The following CRYBG3 variants were observed in gnomAD, a reference collection of about 807,000 sequenced individuals.
CRYBG3 encodes the protein very large A-kinase anchor protein.
Under a neutral mutation model 244.2 loss-of-function variants are expected in CRYBG3, and 127 were observed. That is an observed-to-expected ratio of 0.52 (90% CI 0.45 to 0.60). The LOEUF (loss-of-function observed/expected upper bound fraction) is 0.60, where lower values mean the gene tolerates loss of function less well. Ranked by LOEUF, CRYBG3 falls within the 20% of genes least tolerant of loss-of-function variation. The pLI is 0.00. For missense variants in CRYBG3, 3,325 were observed against 3,442.5 expected (o/e 0.97, Z 0.85); for synonymous variants, 1,132 against 1,195.8 (o/e 0.95, Z 1.10).
chr3:97,839,759 T>A (rs906655880), intron 1 of CRYBG3, among the ~76,000 whole-genome samples: 2 of 151,824 alleles, frequency 1.3e-5, no homozygotes, highest in Non-Finnish European at 2.9e-5. Context: ...AGCCCCCTTT[T>A]TTTTTTTTGT....
At chr3:97,844,615 A>G (rs914798457) in intron 2 of CRYBG3, among the ~76,000 whole-genome samples, 1 of 151,988 alleles carries the variant, frequency 6.6e-6, no homozygotes, top group African/African-American at 2.4e-5. Flanking sequence ...TTTAGCCTAT[A>G]CCTGCTGGCT....
In CRYBG3 at chr3:97,900,480, C is replaced by A; in HGVS notation, c.7999C>A (p.His2667Asn). The change falls in exon 15 of 22, where the codon CAT (histidine) becomes AAT (asparagine). Residue 2667 changes from histidine (H) to asparagine (N), a missense_variant. By Grantham distance (68) the His-to-Asn change is moderately conservative (BLOSUM62 1). Transcript: ENST00000389622. Reference protein sequence around the residue: ...LEPLGINEPPHLLKAFSKPGF... With the variant: ...LEPLGINEPPNLLKAFSKPGF... ...ACCACTTGGGATAAATGAACCTCCG[C>A]ATTTGGTATGTTTAAAAATATTCTT... The A allele has an allele frequency of 6.5e-7, 1 of 1,550,362 alleles. No individual in the cohort carries two copies. Among genetic ancestry groups the A allele is most frequent in the Non-Finnish European group, 8.9e-7 (1 of 1,124,656 alleles).
At position 97,839,642 on chromosome 3, in the gene CRYBG3, G is replaced by A. The variant is rs370690452; in HGVS notation, c.150-3553G>A. 9.9e-5 allele frequency among the ~76,000 whole-genome samples: 15 copies of A among 152,088 alleles called. No homozygotes were observed. In the South Asian group the frequency reaches 3.1e-3, roughly 32 times the overall value. On this transcript the variant is annotated intron_variant, in intron 1 of 21. Coordinates refer to ENST00000389622, the MANE Select transcript of CRYBG3 (RefSeq NM_153605.4). ...GTAAGCAGGCGCAAATGGAAATATG[G>A]TTATAGATTTTTTTTTTTCTTTTGA...
chr3:97,897,417 TA>T (rs1383884283), intron 12 of CRYBG3, among the ~76,000 whole-genome samples: 1 of 152,026 alleles, frequency 6.6e-6, no homozygotes, highest in African/African-American at 2.4e-5. Flanking sequence ...TCTACTAACT[TA>T]TGCAAGTGCT....
chr3:97,828,480 A>C (rs1002904392), intron 1 of CRYBG3, among the ~76,000 whole-genome samples: 1 of 151,990 alleles, frequency 6.6e-6, no homozygotes, highest in African/African-American at 2.4e-5. Context: ...AAAGAATAGG[A>C]AAGCTTTTTA....
intron 15 of CRYBG3, among the ~76,000 whole-genome samples, chr3:97,905,945 T>C (rs1387862844): frequency 1.3e-5 from 2 of 148,740 alleles, no homozygotes; most frequent in African/African-American, 5.0e-5. Context: ...AGGGATCCAG[T>C]TTCAGCTTTC....
intron 1 of CRYBG3, among the ~76,000 whole-genome samples, chr3:97,841,415 C>G (rs1394495497): frequency 1.3e-5 from 2 of 151,654 alleles, no homozygotes; most frequent in Non-Finnish European, 2.9e-5. Flanking sequence ...TCCGTTTGGT[C>G]CATGTGTTTC....
intron 1 of CRYBG3, among the ~76,000 whole-genome samples, chr3:97,839,755 C>CTTTT: frequency 6.8e-6 from 1 of 146,280 alleles, no homozygotes; most frequent in Non-Finnish European, 1.5e-5. Context: ...GCCCAGCCCC[C>CTTTT]TTTTTTTTTT....
chr3:97,907,761 A>G (rs1433793400), intron 15 of CRYBG3, among the ~76,000 whole-genome samples: 2 of 151,362 alleles, frequency 1.3e-5, no homozygotes, highest in African/African-American at 4.9e-5. Context: ...TTCTGCTGTG[A>G]TTTTAGTTAT....
chr3:97,825,206 G>A (rs1268510145), intron 1 of CRYBG3, among the ~76,000 whole-genome samples: 1 of 152,202 alleles, frequency 6.6e-6, no homozygotes, highest in Non-Finnish European at 1.5e-5. Flanking sequence ...CTAGATTTAA[G>A]GCTCAGAGAA....
intron 6 of CRYBG3, among the ~76,000 whole-genome samples, chr3:97,880,475 A>G (rs1559731254): frequency 1.3e-5 from 2 of 152,230 alleles, no homozygotes; most frequent in Admixed American, 6.5e-5. Flanking sequence ...TGAAGGCCAC[A>G]TAGTTAAAGT....
At chr3:97,925,794 C>T (rs2040034302) in intron 17 of CRYBG3, among the ~76,000 whole-genome samples, 1 of 151,854 alleles carries the variant, frequency 6.6e-6, no homozygotes, top group Admixed American at 6.6e-5. Context: ...TGTAATACTT[C>T]TGGGTTTTAG....
At chr3:97,900,404 G>C in intron 14 of CRYBG3, 49 bp from the exon 15 acceptor site, 1 of 847,182 alleles carries the variant, frequency 1.2e-6, no homozygotes, top group Non-Finnish European at 1.7e-6. Context: ...CTTTCAAAAA[G>C]ACAGATTATG....
chr3:97,908,290 C>A (rs1353261995), intron 15 of CRYBG3, among the ~76,000 whole-genome samples: 1 of 152,062 alleles, frequency 6.6e-6, no homozygotes, highest in African/African-American at 2.4e-5. Flanking sequence ...GAGTTCAATT[C>A]CTGGGTATCC....
intron 2 of CRYBG3, among the ~76,000 whole-genome samples, chr3:97,860,513 A>C (rs1307997583): frequency 6.6e-6 from 1 of 152,198 alleles, no homozygotes; most frequent in African/African-American, 2.4e-5. Flanking sequence ...GGTCTGAAGG[A>C]GGCGAGAGAG....
intron 2 of CRYBG3, among the ~76,000 whole-genome samples, chr3:97,862,162 G>A (rs1222400284): frequency 6.6e-6 from 1 of 151,944 alleles, no homozygotes; most frequent in Admixed American, 6.6e-5. Flanking sequence ...TTCACAAAAT[G>A]TATCTTCCTC....
rs1353230085 is a variant in CRYBG3 at position 97,892,921 on chromosome 3, A to C, written c.7502A>C (p.Asp2501Ala). ...GQAKEFSEHI[D>A]SVPNFLKNNG... ...GCTAAAGAGTTTAGTGAACATATAG[A>C]TTCTGTTCCTAATTTTTTGAAAAAT... The change falls in exon 11 of 22, where the codon GAT becomes GCT. Residue 2501 changes from aspartate (D) to alanine (A), a missense_variant. Asp to Ala is a moderately radical substitution (Grantham distance 126). Transcript: ENST00000389622. The C allele has an allele frequency of 6.3e-7, 1 of 1,584,624 alleles. No homozygotes were observed. Among genetic ancestry groups the C allele is most frequent in the Non-Finnish European group, 8.6e-7 (1 of 1,158,450 alleles).
At position 97,875,411 on chromosome 3, in the gene CRYBG3, T is replaced by A; in HGVS notation, c.4217T>A (p.Phe1406Tyr). 7.1e-7 allele frequency: 1 copy of A among 1,410,986 alleles called. No homozygotes were observed. The allele number at this position is 1,410,986 out of a possible 1,614,324, so 87.4% of individuals were successfully genotyped here. The change falls in exon 4 of 22, where the codon TTT (phenylalanine) becomes TAT (tyrosine). Residue 1406 changes from phenylalanine to tyrosine, a missense_variant. This residue lies in a region of CRYBG3 where 635 missense variants were observed against 771.7 expected (regional missense o/e 0.82). Coordinates refer to ENST00000389622, the MANE Select transcript of CRYBG3 (RefSeq NM_153605.4). ...ATTGTTCTCTACCAAAAATCCCTAT[T>A]TTCTGGAAATGGATCTGGACTGTCT... The part of the protein sequence containing the change: ...GEIVLYQKSL[F>Y]SGNGSGLSDS...
At chr3:97,881,262 A>G in intron 7 of CRYBG3, 43 bp downstream of exon 7, 1 of 1,405,084 alleles carries the variant, frequency 7.1e-7, no homozygotes, top group Non-Finnish European at 9.8e-7. Context: ...GATTTTATTT[A>G]TCATATAGTA....
Sources: allele counts gnomAD v4.1 joint callset (sites outside exome capture counted in the v4.1 genomes callset), GRCh38; gene constraint gnomAD v4.1.1; regional missense constraint gnomAD v4.1.1; transcripts MANE v1.5; gene names NCBI Gene and HGNC (gene_info 2026-07-23, HGNC 2026-07-21).